The following ROBO1 variants were observed in gnomAD, a reference collection of about 807,000 sequenced individuals.
The protein encoded by ROBO1 is roundabout guidance receptor 1.
ROBO1 carries 149 observed loss-of-function variants against 195.9 expected under a neutral mutation model. The observed-to-expected ratio is 0.76, with a 90% confidence interval of 0.67 to 0.87. The LOEUF (loss-of-function observed/expected upper bound fraction) is 0.87. ROBO1 is among the 40% of genes least tolerant of loss of function. The pLI, the probability that ROBO1 is intolerant of heterozygous loss-of-function variation, is 0.00. For synonymous variants in ROBO1, 816 were observed against 733.2 expected (o/e 1.11, Z -1.82); for missense variants, 1,933 against 2,068.3 (o/e 0.93, Z 1.27).
chr3:78,830,057 G>A (rs1196752705), intron 4 of ROBO1, among the ~76,000 whole-genome samples: 3 of 152,084 alleles, frequency 2.0e-5, no homozygotes, highest in African/African-American at 7.2e-5. Context: ...TCCAAGTGTG[G>A]ATTTGTATAA....
intron 2 of ROBO1, among the ~76,000 whole-genome samples, chr3:79,367,078 T>C (rs558891799): frequency 1.3e-5 from 2 of 152,342 alleles, no homozygotes; most frequent in African/African-American, 4.8e-5. Context: ...TTAATCTACA[T>C]TTCTTGTTAA....
At chr3:78,742,736 A>C (rs1014387008) in intron 5 of ROBO1, among the ~76,000 whole-genome samples, 11 of 152,292 alleles carry the variant, frequency 7.2e-5, no homozygotes, top group Admixed American at 7.2e-4. Context: ...ATGATTTAAA[A>C]GTTATTTATA....
chr3:79,584,783 A>T (rs1349052944), intron 2 of ROBO1, among the ~76,000 whole-genome samples: 2 of 151,448 alleles, frequency 1.3e-5, no homozygotes, highest in East Asian at 4.0e-4. Flanking sequence ...GATCTCTTTC[A>T]TGGGATCCAT....
intron 3 of ROBO1, among the ~76,000 whole-genome samples, chr3:79,033,997 T>C (rs2078340306): frequency 6.6e-6 from 1 of 152,134 alleles, no homozygotes; most frequent in Non-Finnish European, 1.5e-5. Context: ...GTCAATCCTT[T>C]CAAAAATTTC....
At chr3:79,282,204 T>A (rs1057336192) in intron 2 of ROBO1, among the ~76,000 whole-genome samples, 2 of 152,210 alleles carry the variant, frequency 1.3e-5, no homozygotes, top group Non-Finnish European at 2.9e-5. Context: ...CTGTAGGTGA[T>A]GAAACCTTAA....
chr3:79,156,019 G>A (rs868580126), intron 2 of ROBO1, among the ~76,000 whole-genome samples: 20 of 151,740 alleles, frequency 1.3e-4, no homozygotes, highest in African/African-American at 4.3e-4. Flanking sequence ...AATCTGAAAG[G>A]TTCTTGATCA....
At chr3:78,762,063 TAAC>T (rs2083118986) in intron 4 of ROBO1, among the ~76,000 whole-genome samples, 1 of 152,086 alleles carries the variant, frequency 6.6e-6, no homozygotes, top group African/African-American at 2.4e-5. Flanking sequence ...AATGGGAATT[TAAC>T]AATAATAATG....
intron 26 of ROBO1, among the ~76,000 whole-genome samples, chr3:78,623,952 G>A (rs1704605063): frequency 6.6e-6 from 1 of 152,104 alleles, no homozygotes; most frequent in Non-Finnish European, 1.5e-5. Flanking sequence ...AATAGATCAA[G>A]GGATCAAGAG....
At chr3:79,262,798 C>T (rs925239515) in intron 2 of ROBO1, among the ~76,000 whole-genome samples, 4 of 151,874 alleles carry the variant, frequency 2.6e-5, no homozygotes, top group Non-Finnish European at 4.4e-5. Context: ...AATGTAAAGT[C>T]GTTTGCCAAA....
chr3:78,846,834 C>T (rs1029933375), intron 4 of ROBO1, among the ~76,000 whole-genome samples: 1 of 152,128 alleles, frequency 6.6e-6, no homozygotes, highest in African/African-American at 2.4e-5. Flanking sequence ...TTTCCAAAAG[C>T]ATTCCAAAGA....
At chr3:78,654,532 G>C (rs1197561992) in intron 18 of ROBO1, among the ~76,000 whole-genome samples, 1 of 152,074 alleles carries the variant, frequency 6.6e-6, no homozygotes, top group Non-Finnish European at 1.5e-5. Context: ...AGATTTCATG[G>C]CTATTTGTGC....
intron 4 of ROBO1, among the ~76,000 whole-genome samples, chr3:78,757,433 GCACACA>G (rs34283910): frequency 5.3e-5 from 8 of 149,852 alleles, no homozygotes; most frequent in East Asian, 2.0e-4. Context: ...ATGCGCACAT[GCACACA>G]CACACACACA....
At chr3:79,146,045 A>AAC (rs2080643033) in intron 2 of ROBO1, among the ~76,000 whole-genome samples, 1 of 151,728 alleles carries the variant, frequency 6.6e-6, no homozygotes, top group South Asian at 2.1e-4. Flanking sequence ...AAGCAAAAAA[A>AAC]AAAAGTCTAC....
chr3:79,322,228 G>T (rs142901364), intron 2 of ROBO1, among the ~76,000 whole-genome samples: 22 of 152,264 alleles, frequency 1.4e-4, no homozygotes, highest in Non-Finnish European at 3.1e-4. Flanking sequence ...AATACAAATA[G>T]TATATACACA....
chr3:79,579,634 A>G (rs1943597530), intron 2 of ROBO1, among the ~76,000 whole-genome samples: 1 of 152,212 alleles, frequency 6.6e-6, no homozygotes, highest in African/African-American at 2.4e-5. Context: ...ATACATAATG[A>G]TGCATCTTAG....
chr3:78,925,536 A>G (rs1455058432), intron 4 of ROBO1, among the ~76,000 whole-genome samples: 2 of 152,228 alleles, frequency 1.3e-5, no homozygotes, highest in African/African-American at 4.8e-5. Context: ...CAAAATGTAA[A>G]TTGTACCTTA....
At chr3:78,980,273 G>T (rs1376103271) in intron 3 of ROBO1, among the ~76,000 whole-genome samples, 1 of 152,012 alleles carries the variant, frequency 6.6e-6, no homozygotes, top group Non-Finnish European at 1.5e-5. Context: ...AGATGGTAAG[G>T]ATTACAATCA....
intron 1 of ROBO1, among the ~76,000 whole-genome samples, chr3:79,636,388 T>C (rs7433360): frequency 0.57 from 86,178 of 151,540 alleles, 24,710 homozygotes; most frequent in South Asian, 0.67. Flanking sequence ...AAAACTTGCA[T>C]TGACATCATT....
chr3:79,008,887 C>CTGTG (rs1559586095), intron 3 of ROBO1, among the ~76,000 whole-genome samples: 8 of 73,502 alleles, frequency 1.1e-4, no homozygotes, highest in African/African-American at 4.0e-4. Context: ...CTGCACCCAG[C>CTGTG]CGTGTGTGTG....
Sources: allele counts gnomAD v4.1 joint callset (sites outside exome capture counted in the v4.1 genomes callset), GRCh38; gene constraint gnomAD v4.1.1; transcripts MANE v1.5; gene names NCBI Gene and HGNC (gene_info 2026-07-23, HGNC 2026-07-21).